Variants in CNTN5 observed in about 807,000 individuals in gnomAD.
CNTN5 encodes contactin-5.
A neutral mutation model predicts 129.1 loss-of-function variants in CNTN5; 77 were observed. The observed-to-expected ratio is 0.60, with a 90% CI of 0.50 to 0.72. The LOEUF (loss-of-function observed/expected upper bound fraction) is 0.72, where lower values mean the gene tolerates loss of function less well. Ranked by LOEUF, CNTN5 falls within the 30% of genes least tolerant of loss-of-function variation. The pLI is 0.00. For missense variants in CNTN5, 1,478 were observed against 1,328.8 expected (o/e 1.11, Z -1.75); for synonymous variants, 509 against 465.6 (o/e 1.09, Z -1.20).
At chr11:100,314,076 T>TGGA (rs1951528612) in intron 21 of CNTN5, among the ~76,000 whole-genome samples, 1 of 152,112 alleles carries the variant, frequency 6.6e-6, no homozygotes, top group South Asian at 2.1e-4. Flanking sequence ...TTCTAAAGAA[T>TGGA]GGTTGGTGGA....
At chr11:99,069,392 C>G (rs1865239134) in intron 1 of CNTN5, among the ~76,000 whole-genome samples, 1 of 152,050 alleles carries the variant, frequency 6.6e-6, no homozygotes, top group African/African-American at 2.4e-5. Context: ...GTTTGTAAAT[C>G]AAGGTAAAAA....
chr11:99,831,880 G>C (rs1220045268), intron 4 of CNTN5, among the ~76,000 whole-genome samples: 1 of 152,134 alleles, frequency 6.6e-6, no homozygotes, highest in East Asian at 1.9e-4. Flanking sequence ...TAAATGACTA[G>C]AATGGTGGAC....
chr11:99,995,655 C>CACATATGGCCAT (rs1488408944), intron 8 of CNTN5, among the ~76,000 whole-genome samples: 1 of 152,070 alleles, frequency 6.6e-6, no homozygotes, highest in Admixed American at 6.6e-5. Flanking sequence ...AAGATGCATC[C>CACATATGGCCAT]ATGCTCATAT....
intron 2 of CNTN5, among the ~76,000 whole-genome samples, chr11:99,378,937 G>T (rs1940352339): frequency 6.6e-6 from 1 of 151,988 alleles, no homozygotes; most frequent in South Asian, 2.1e-4. Flanking sequence ...CAAGATAAGA[G>T]CAAGACATAT....
At chr11:99,812,680 T>A (rs1380968205) in intron 3 of CNTN5, among the ~76,000 whole-genome samples, 6 of 152,090 alleles carry the variant, frequency 3.9e-5, no homozygotes, top group Non-Finnish European at 5.9e-5. Flanking sequence ...ATTCATGCCA[T>A]CTGACTTTGG....
chr11:100,150,063 A>G (rs1232870852), intron 13 of CNTN5, among the ~76,000 whole-genome samples: 1 of 152,184 alleles, frequency 6.6e-6, no homozygotes, highest in Non-Finnish European at 1.5e-5. Context: ...AGTATTATGA[A>G]AATATTTAGT....
At chr11:99,320,963 G>T (rs1865544155) in intron 1 of CNTN5, among the ~76,000 whole-genome samples, 1 of 152,170 alleles carries the variant, frequency 6.6e-6, no homozygotes, top group Admixed American at 6.6e-5. Flanking sequence ...ACAGAAGGGT[G>T]ACCCACCTGT....
At chr11:99,530,969 G>A (rs572438308) in intron 2 of CNTN5, among the ~76,000 whole-genome samples, 3 of 152,336 alleles carry the variant, frequency 2.0e-5, no homozygotes, top group African/African-American at 4.8e-5. Context: ...AGAGTCGGGC[G>A]TTGCTGAAAA....
chr11:99,768,541 C>T (rs1188813521), intron 3 of CNTN5, among the ~76,000 whole-genome samples: 1 of 152,102 alleles, frequency 6.6e-6, no homozygotes, highest in Non-Finnish European at 1.5e-5. Context: ...GTCTATAATT[C>T]TCCTTTGATT....
In CNTN5 at chr11:99,854,200, A is replaced by T. The variant is rs574642530; in HGVS notation, c.577+8938A>T. Reference sequence around the variant, plus strand: ...TACCTGACCACTTTTTCTATTTCCTAACATTTTTCTTCTTTACTCCAGCCC... The same window carrying T: ...TACCTGACCACTTTTTCTATTTCCTTACATTTTTCTTCTTTACTCCAGCCC... On this transcript the variant is annotated intron_variant, in intron 6 of 24. Coordinates refer to ENST00000524871, the MANE Select transcript of CNTN5 (RefSeq NM_014361.4). Among the ~76,000 whole-genome samples, 22 of 152,246 alleles carry T rather than the reference A, an allele frequency of 1.4e-4. No homozygotes were observed. In the South Asian group the frequency reaches 3.3e-3, roughly 23 times the overall value.
chr11:100,250,062 C>T (rs1949933066), intron 16 of CNTN5, among the ~76,000 whole-genome samples: 1 of 151,974 alleles, frequency 6.6e-6, no homozygotes, highest in African/African-American at 2.4e-5. Context: ...TTCAGATTTA[C>T]CATCATTTAG....
At chr11:99,090,947 C>G (rs7122282) in intron 1 of CNTN5, among the ~76,000 whole-genome samples, 80,935 of 147,460 alleles carry the variant, frequency 0.55, 22,831 homozygotes, top group African/African-American at 0.71. Flanking sequence ...GCGTGAACCC[C>G]GGAGGCGGAG....
chr11:100,303,346 G>C (rs1951270539), intron 20 of CNTN5, among the ~76,000 whole-genome samples: 1 of 151,342 alleles, frequency 6.6e-6, no homozygotes, highest in Non-Finnish European at 1.5e-5. Flanking sequence ...TGGTAAAACT[G>C]ATAAAAATTA....
At chr11:99,782,221 T>A (rs1945337105) in intron 3 of CNTN5, among the ~76,000 whole-genome samples, 1 of 146,372 alleles carries the variant, frequency 6.8e-6, no homozygotes, top group Non-Finnish European at 1.5e-5. Context: ...TGAACTCCCA[T>A]TCACAATTGC....
chr11:99,030,943 G>T (rs539984710), intron 1 of CNTN5, among the ~76,000 whole-genome samples: 3 of 151,912 alleles, frequency 2.0e-5, no homozygotes, highest in Non-Finnish European at 4.4e-5. Flanking sequence ...ACCACGCCTG[G>T]CTAATTTTTA....
At chr11:100,173,776 A>T (rs1233944854) in intron 13 of CNTN5, among the ~76,000 whole-genome samples, 1 of 152,136 alleles carries the variant, frequency 6.6e-6, no homozygotes, top group African/African-American at 2.4e-5. Context: ...GGTTCTGTGG[A>T]CAACCAGCTT....
At chr11:99,652,811 C>T (rs948232090) in intron 3 of CNTN5, among the ~76,000 whole-genome samples, 1 of 151,932 alleles carries the variant, frequency 6.6e-6, no homozygotes, top group Non-Finnish European at 1.5e-5. Context: ...CAGTAATATA[C>T]TGAATATGTG....
At chr11:99,204,192 T>C (rs1859358443) in intron 1 of CNTN5, among the ~76,000 whole-genome samples, 1 of 152,242 alleles carries the variant, frequency 6.6e-6, no homozygotes, top group African/African-American at 2.4e-5. Context: ...TCTCAGATTC[T>C]TGAAAGATAA....
At chr11:100,017,498 A>G (rs1247171313) in intron 9 of CNTN5, among the ~76,000 whole-genome samples, 1 of 152,146 alleles carries the variant, frequency 6.6e-6, no homozygotes, top group Middle Eastern at 3.4e-3. Context: ...CAAAGACTGT[A>G]TCTTGAATGT....
Sources: allele counts gnomAD v4.1 joint callset (sites outside exome capture counted in the v4.1 genomes callset), GRCh38; gene constraint gnomAD v4.1.1; transcripts MANE v1.5; gene names NCBI Gene and HGNC (gene_info 2026-07-23, HGNC 2026-07-21).